The following PTPRA variants were observed in gnomAD, a reference collection of about 807,000 sequenced individuals.
PTPRA encodes receptor-type tyrosine-protein phosphatase alpha.
PTPRA carries 25 observed loss-of-function variants against 104.8 expected under a neutral mutation model. That is an observed-to-expected ratio of 0.24 (90% confidence interval 0.17 to 0.33). The LOEUF is 0.33. PTPRA is among the 10% of genes least tolerant of loss of function. The pLI is 1.00. For synonymous variants in PTPRA, 323 were observed against 368.9 expected (o/e 0.88, Z 1.43); for missense variants, 765 against 1,015.3 (o/e 0.75, Z 3.35).
the PTPRA span, chr20:2,865,126 GC>G: frequency 6.2e-7 from 1 of 1,614,120 alleles, no homozygotes; most frequent in Admixed American, 1.7e-5. This position sits in a 1 kb window ranked among gnomAD's most constrained non-coding sequence, Gnocchi z 5.2. Flanking sequence ...TCCCCATCAT[GC>G]CTCATTATCC....
chr20:2,995,899 T>C (rs1286916290), intron 9 of PTPRA, among the ~76,000 whole-genome samples: 1 of 152,222 alleles, frequency 6.6e-6, no homozygotes, highest in Non-Finnish European at 1.5e-5. Context: ...CCTACTCGTT[T>C]ACCACCAGCT....
intron 1 of PTPRA, among the ~76,000 whole-genome samples, chr20:2,917,345 T>G (rs539987211): frequency 6.2e-4 from 94 of 152,300 alleles, no homozygotes; most frequent in African/African-American, 1.9e-3. Flanking sequence ...TTCTCTGATC[T>G]ATTTTCATTG....
At chr20:2,955,839 C>A in intron 3 of PTPRA, 1 of 229,178 alleles carries the variant, frequency 4.4e-6, no homozygotes, top group Non-Finnish European at 7.2e-6. Context: ...TTCTGCCTGA[C>A]TTCCAGGGCA....
chr20:2,909,103 A>G (rs540647220), intron 1 of PTPRA, among the ~76,000 whole-genome samples: 1 of 152,194 alleles, frequency 6.6e-6, no homozygotes, highest in Admixed American at 6.5e-5. Context: ...GATCAGAATA[A>G]TAACATGTAA....
Position 3,038,167 on chromosome 20 carries a change from C to T in PTPRA, c.*34C>T, listed in dbSNP as rs759283622. 9 of 1,552,144 alleles carry T rather than the reference C, an allele frequency of 5.8e-6. No individual in the cohort carries two copies. Among genetic ancestry groups the T allele is most frequent in the Admixed American group, 5.0e-5 (3 of 59,612 alleles). The stretch of plus-strand genomic sequence containing the variant: ...AAGGGTCCGTGGACCAGGAGGATTG[C>T]CTTTAATATTTTGTAATATTCTGTT... On this transcript the variant is annotated 3_prime_UTR_variant, in exon 24 of 24. Coordinates refer to ENST00000399903, the MANE Select transcript of PTPRA (RefSeq NM_001385305.1).
In PTPRA at chr20:2,988,428, A is replaced by C. The variant is rs1257310572; in HGVS notation, c.692A>C (p.Asn231Thr). 4 of 1,613,068 alleles carry C rather than the reference A, an allele frequency of 2.5e-6. No homozygotes were observed. The highest frequency in any genetic ancestry group is 2.5e-6 in the Non-Finnish European group (3 of 1,179,812). The change falls in exon 9 of 24, where the codon AAC (asparagine) becomes ACC (threonine). Residue 231 changes from asparagine (N) to threonine (T), a missense_variant. This residue lies in a region of PTPRA where 245 missense variants were observed against 398.7 expected (regional missense o/e 0.61). Coordinates refer to ENST00000399903, the MANE Select transcript of PTPRA (RefSeq NM_001385305.1). ...LPVDKLEEEINRRMADDNKLF... is the reference protein window; with the variant it reads ...LPVDKLEEEITRRMADDNKLF... ...GTGGACAAGCTGGAAGAGGAAATTA[A>C]CCGGAGAATGGCAGACGACAATAAG... is the stretch of plus-strand genomic sequence containing the variant.
Position 2,948,624 on chromosome 20 carries a change from C to T in PTPRA, c.-7+600C>T, listed in dbSNP as rs114704725. Among the ~76,000 whole-genome samples the T allele has an allele frequency of 5.6e-3, 851 of 152,202 alleles. 8 individuals are homozygous for T. Among genetic ancestry groups the T allele is most frequent in the African/African-American group, 0.019 (786 of 41,510 alleles). ...TGGGCTGCCTGGTGTCAGCACTTCC[C>T]GCCATTTTCTATAGCACCAGTATTA... On this transcript the variant is annotated intron_variant, in intron 3 of 23. Coordinates refer to ENST00000399903, the MANE Select transcript of PTPRA (RefSeq NM_001385305.1).
At chr20:3,011,206 A>T (rs1010369636) in intron 11 of PTPRA, among the ~76,000 whole-genome samples, 4 of 152,234 alleles carry the variant, frequency 2.6e-5, no homozygotes, top group African/African-American at 9.6e-5. Flanking sequence ...AGAGGGTTAA[A>T]TGGGGGACCT....
At chr20:2,982,978 G>A (rs1435454052) in intron 6 of PTPRA, among the ~76,000 whole-genome samples, 1 of 152,150 alleles carries the variant, frequency 6.6e-6, no homozygotes, top group African/African-American at 2.4e-5. Flanking sequence ...GATTGCAGGC[G>A]TGAGCCACTG....
chr20:2,879,819 G>A (rs906853640), intron 1 of PTPRA, among the ~76,000 whole-genome samples: 1 of 152,182 alleles, frequency 6.6e-6, no homozygotes, highest in African/African-American at 2.4e-5. Flanking sequence ...CCTAGGAGCA[G>A]TAGGCTATAC....
intron 1 of PTPRA, among the ~76,000 whole-genome samples, chr20:2,878,158 GA>G (rs35340507): frequency 1.5e-4 from 23 of 148,696 alleles, no homozygotes; most frequent in South Asian, 4.3e-4. Context: ...TCAAAAAAAA[GA>G]AAAAAAAAAT....
intron 3 of PTPRA, among the ~76,000 whole-genome samples, chr20:2,960,597 G>A (rs1321656983): frequency 6.6e-6 from 1 of 151,708 alleles, no homozygotes; most frequent in Non-Finnish European, 1.5e-5. Flanking sequence ...TGAGTGCAGT[G>A]ATGATCACTC....
chr20:2,970,475 G>A (rs1021016904), intron 5 of PTPRA, among the ~76,000 whole-genome samples: 2 of 152,076 alleles, frequency 1.3e-5, no homozygotes, highest in Admixed American at 1.3e-4. Flanking sequence ...GAGCAATTTT[G>A]TGTAATTTAA....
chr20:2,926,249 T>C (rs585040), intron 2 of PTPRA, among the ~76,000 whole-genome samples: 101,984 of 152,052 alleles, frequency 0.67, 36,094 homozygotes, highest in African/African-American at 0.88. Flanking sequence ...CAAAACTCCA[T>C]GAACTGGGTG....
chr20:3,024,479 A>G lies in PTPRA; in HGVS notation c.1472A>G (p.Tyr491Cys). 6.2e-7 allele frequency: 1 copy of G among 1,613,230 alleles called. No individual in the cohort carries two copies. Among genetic ancestry groups the G allele is most frequent in the East Asian group, 2.2e-5 (1 of 44,886 alleles). ...RCQMVQTDMQ[Y>C]VFIYQALLEH... ...GTGTCATTCATGTTTCAGATGCAGT[A>G]TGTCTTCATATACCAAGCCCTTCTG... The change falls in exon 17 of 24, where the codon TAT becomes TGT. Residue 491 changes from tyrosine to cysteine, a missense_variant. Around this residue, in one of 4 missense-constraint regions of PTPRA, gnomAD observed 245 missense variants for 398.7 expected, o/e 0.61. Coordinates refer to ENST00000399903, the MANE Select transcript of PTPRA (RefSeq NM_001385305.1).
chr20:2,962,165 A>G (rs190413293), intron 3 of PTPRA, among the ~76,000 whole-genome samples: 17 of 152,352 alleles, frequency 1.1e-4, no homozygotes, highest in East Asian at 1.9e-4. Context: ...CATTGAATCT[A>G]TAGGCTTATT....
At chr20:2,896,620 G>A (rs544043081) in intron 1 of PTPRA, among the ~76,000 whole-genome samples, 4 of 152,034 alleles carry the variant, frequency 2.6e-5, no homozygotes, top group Non-Finnish European at 4.4e-5. Context: ...CATAAATCAG[G>A]GTGTGTTTCC....
chr20:2,880,645 G>A (rs2089994171), intron 1 of PTPRA, among the ~76,000 whole-genome samples: 1 of 152,124 alleles, frequency 6.6e-6, no homozygotes, highest in South Asian at 2.1e-4. Flanking sequence ...TACTAAATTG[G>A]AAAGTATCAG....
intron 1 of PTPRA, among the ~76,000 whole-genome samples, chr20:2,895,685 T>TTTTGA (rs1387944299): frequency 6.6e-6 from 1 of 151,988 alleles, no homozygotes; most frequent in Non-Finnish European, 1.5e-5. Context: ...CACCTGGAAT[T>TTTTGA]AGTCTGGCTA....
Sources: gnomAD v4.1 joint callset for allele counts (sites outside exome capture counted in the v4.1 genomes callset) on GRCh38, gnomAD v4.1.1 for gene constraint, gnomAD v4.1.1 regional missense constraint, Gnocchi (gnomAD v3.1) non-coding constraint, MANE v1.5 for transcripts, NCBI Gene and HGNC (gene_info 2026-07-23, HGNC 2026-07-21) for gene names.